ZNF480: variants seen among roughly 807,000 people sequenced by gnomAD.
The protein encoded by ZNF480 is zinc finger protein 480.
ZNF480 carries 15 observed loss-of-function variants against 14.4 expected under a neutral mutation model. The observed-to-expected ratio is 1.04, with a 90% CI of 0.70 to 1.60. ZNF480 has a LOEUF of 1.60. Among genes scored for constraint, ZNF480 ranks in the 40% most tolerant of loss-of-function variants. ZNF480 has a pLI of 0.00. For synonymous variants in ZNF480, 218 were observed against 215.5 expected, an observed-to-expected ratio of 1.01 and a Z score of -0.10; for missense variants, 593 against 629.7, an observed-to-expected ratio of 0.94 and a Z score of 0.62.
rs149777370 is a variant in ZNF480, at chr19:52,323,282, A to G, written c.*424A>G. ...AGAAATTGCATCCCTGAACAGACCAATAATGAGTTCCAAAATTTAATCACT... is the reference window on the plus strand; with the variant it reads ...AGAAATTGCATCCCTGAACAGACCAGTAATGAGTTCCAAAATTTAATCACT... On this transcript the variant is annotated 3_prime_UTR_variant, in exon 5 of 5. Transcript: ENST00000595962. 5.0e-3 allele frequency: 780 copies of G among 154,616 alleles called. 2 individuals are homozygous for G. Among genetic ancestry groups the G allele is most frequent in the Non-Finnish European group, 8.3e-3 (578 of 69,798 alleles). 9.6% of individuals were successfully genotyped at this position (154,616 alleles called of 1,614,324 possible).
intron 2 of ZNF480, chr19:52,313,925 G>T: frequency 2.6e-6 from 1 of 389,650 alleles, no homozygotes; most frequent in Non-Finnish European, 5.0e-6. Flanking sequence ...GTTGCAGTGA[G>T]CCGAGATTGC....
At chr19:52,297,793 T>C (rs1373510820) in intron 1 of ZNF480, 1 of 152,542 alleles carries the variant, frequency 6.6e-6, no homozygotes, top group Non-Finnish European at 1.5e-5. Flanking sequence ...CATCCAGTGT[T>C]CTTGCGGGCC....
At chr19:52,306,249 T>C (rs1488383836) in intron 2 of ZNF480, among the ~76,000 whole-genome samples, 1 of 152,234 alleles carries the variant, frequency 6.6e-6, no homozygotes, top group Non-Finnish European at 1.5e-5. Flanking sequence ...ATCACCTTTT[T>C]AAGAGACTCC....
rs1439826519 is a variant in ZNF480 at position 52,316,216 on chromosome 19, C to CTTTCTT, written c.328+255_328+260dup. 1.8e-4 allele frequency among the ~76,000 whole-genome samples: 27 copies of CTTTCTT among 149,956 alleles called. No individual in the cohort carries two copies. In the Admixed American group the frequency reaches 1.8e-3, roughly 10 times the overall value. The stretch of plus-strand genomic sequence containing the variant: ...TTTCTCTTTCTTTCTTTCTTTCTTT[C>CTTTCTT]TTTCTTCCTTTCTTCCTTTCCTTTA... On this transcript the variant is annotated intron_variant, in intron 4 of 4. Transcript: ENST00000595962.
At position 52,314,729 on chromosome 19, in the gene ZNF480, G is replaced by A. The variant is rs549429343; in HGVS notation, c.199+450G>A. Among the ~76,000 whole-genome samples the A allele has an allele frequency of 4.0e-5, 6 of 151,696 alleles. No homozygotes were observed. In the South Asian group the frequency reaches 6.2e-4, roughly 16 times the overall value. On this transcript the variant is annotated intron_variant, in intron 3 of 4. Coordinates refer to ENST00000595962, the MANE Select transcript of ZNF480 (RefSeq NM_144684.4). The stretch of plus-strand genomic sequence containing the variant: ...TGAGTCAGGAGAATCTCTTGAACCC[G>A]GGAGGTGAAGGTTGCAGTGAGCCGA...
chr19:52,309,746 T>G (rs1403085180), intron 2 of ZNF480, among the ~76,000 whole-genome samples: 2 of 152,224 alleles, frequency 1.3e-5, no homozygotes, highest in African/African-American at 4.8e-5. Flanking sequence ...GGGTGCAGCC[T>G]CCTGAGTGGC....
chr19:52,322,906 G>A lies in ZNF480; in HGVS notation c.*48G>A. On this transcript the variant is annotated 3_prime_UTR_variant, in exon 5 of 5. Coordinates refer to ENST00000595962, the MANE Select transcript of ZNF480 (RefSeq NM_144684.4). ...GTCAAAGAATTTAGTGTGCACTCAA[G>A]CCTTACTACCCATCTTTTATTCCAT... is the stretch of plus-strand genomic sequence containing the variant. 1 of 1,488,816 alleles carries A rather than the reference G, an allele frequency of 6.7e-7. No homozygotes were observed. The highest frequency in any genetic ancestry group is 9.0e-7 in the Non-Finnish European group (1 of 1,113,634). 92.2% of individuals were successfully genotyped at this position (1,488,816 alleles called of 1,614,324 possible).
At chr19:52,301,690 C>G (rs984906550) in intron 2 of ZNF480, 4 of 151,976 alleles carry the variant, frequency 2.6e-5, no homozygotes, top group Non-Finnish European at 5.9e-5. Flanking sequence ...CAAAGTAACT[C>G]CAGCTACCGT....
intron 4 of ZNF480, among the ~76,000 whole-genome samples, chr19:52,320,333 T>C (rs1374361651): frequency 6.6e-6 from 1 of 152,182 alleles, no homozygotes; most frequent in African/African-American, 2.4e-5. Flanking sequence ...TTTAGCTCAT[T>C]AAGAATCTTA....
intron 4 of ZNF480, among the ~76,000 whole-genome samples, chr19:52,321,346 C>T (rs1983799400): frequency 6.6e-6 from 1 of 152,176 alleles, no homozygotes; most frequent in Admixed American, 6.6e-5. Flanking sequence ...TATCTCTCTA[C>T]TCATAATCCC....
At chr19:52,303,172 G>A (rs1368426039) in intron 2 of ZNF480, among the ~76,000 whole-genome samples, 1 of 152,210 alleles carries the variant, frequency 6.6e-6, no homozygotes, top group Non-Finnish European at 1.5e-5. Context: ...GAAGTATAGG[G>A]CGTGTGGAAG....
chr19:52,319,659 T>C (rs1983713233), intron 4 of ZNF480, among the ~76,000 whole-genome samples: 1 of 152,148 alleles, frequency 6.6e-6, no homozygotes, highest in Admixed American at 6.6e-5. Context: ...TGGACATTAT[T>C]TCTTCAGTTG....
chr19:52,313,134 CTTT>C (rs33954410), intron 2 of ZNF480, among the ~76,000 whole-genome samples: 132 of 131,682 alleles, frequency 1.0e-3, no homozygotes, highest in Non-Finnish European at 9.4e-4. Context: ...AATTCTTTCT[CTTT>C]TTTTTTTTTT....
At position 52,323,087 on chromosome 19, in the gene ZNF480, G is replaced by A. The variant is rs536127096; in HGVS notation, c.*229G>A. ...AAAAATTTCACACCTTGCAAAAGGAGATCTAAAAAACACAATCAGAAATGA... is the reference window on the plus strand; with the variant it reads ...AAAAATTTCACACCTTGCAAAAGGAAATCTAAAAAACACAATCAGAAATGA... On this transcript the variant is annotated 3_prime_UTR_variant, in exon 5 of 5. Coordinates refer to ENST00000595962, the MANE Select transcript of ZNF480 (RefSeq NM_144684.4). The A allele has an allele frequency of 5.2e-6, 2 of 383,944 alleles. No homozygotes were observed. The highest frequency in any genetic ancestry group is 8.1e-5 in the Admixed American group (2 of 24,554). The allele number at this position is 383,944 out of a possible 1,614,324, so 23.8% of individuals were successfully genotyped here. A position where few individuals can be genotyped will look rare whatever the true frequency, so the allele number is the denominator to read the frequency against.
At chr19:52,317,670 C>CT (rs1193411210) in intron 4 of ZNF480, among the ~76,000 whole-genome samples, 6 of 152,176 alleles carry the variant, frequency 3.9e-5, no homozygotes, top group African/African-American at 1.4e-4. Flanking sequence ...TGCGCCTGGC[C>CT]TTTTTCTTTT....
rs56388324 is a variant in ZNF480, at chr19:52,316,194, C to CTCTTTCTTTCTTTCTTTCTTTCTT, written c.328+237_328+260dup. Reference sequence around the variant, plus strand: ...GATCTTTCTTTCTCTCTCTCTCTTTCTCTTTCTTTCTTTCTTTCTTTCTTT... The same window carrying CTCTTTCTTTCTTTCTTTCTTTCTT: ...GATCTTTCTTTCTCTCTCTCTCTTTCTCTTTCTTTCTTTCTTTCTTTCTTTCTTTCTTTCTTTCTTTCTTTCTTT... On this transcript the variant is annotated intron_variant, in intron 4 of 4. Transcript: ENST00000595962. 2.3e-3 allele frequency among the ~76,000 whole-genome samples: 335 copies of CTCTTTCTTTCTTTCTTTCTTTCTT among 142,794 alleles called. 5 individuals carry two copies. The highest frequency in any genetic ancestry group is 7.0e-3 in the Middle Eastern group (2 of 286). 93.7% of individuals were successfully genotyped at this position (142,794 alleles called of 152,430 possible). A position where few individuals can be genotyped will look rare whatever the true frequency, so the allele number is the denominator to read the frequency against.
intron 2 of ZNF480, among the ~76,000 whole-genome samples, chr19:52,312,437 G>A (rs576158782): frequency 3.9e-5 from 6 of 152,342 alleles, no homozygotes; most frequent in Non-Finnish European, 7.3e-5. Context: ...TGGGATTACA[G>A]GCATGAGCCA....
At chr19:52,303,964 A>T (rs1397106299) in intron 2 of ZNF480, among the ~76,000 whole-genome samples, 1 of 152,212 alleles carries the variant, frequency 6.6e-6, no homozygotes, top group African/African-American at 2.4e-5. Context: ...TTAAACTGGC[A>T]TGAGAAATCG....
At chr19:52,303,640 A>G (rs1600213412) in intron 2 of ZNF480, among the ~76,000 whole-genome samples, 1 of 152,128 alleles carries the variant, frequency 6.6e-6, no homozygotes, top group Non-Finnish European at 1.5e-5. Context: ...TTCTGGATCT[A>G]TTCTATTTAT....
Sources: allele counts gnomAD v4.1 joint callset (sites outside exome capture counted in the v4.1 genomes callset), GRCh38; gene constraint gnomAD v4.1.1; transcripts MANE v1.5; gene names NCBI Gene and HGNC (gene_info 2026-07-23, HGNC 2026-07-21).